NLK: variants seen among roughly 807,000 people sequenced by gnomAD.
The protein encoded by NLK is nemo like kinase, also known as serine/threonine-protein kinase NLK.
NLK carries 11 observed loss-of-function variants against 59.0 expected under a neutral mutation model. The ratio of observed to expected loss-of-function variants is 0.19; its 90% confidence interval spans 0.12 to 0.31. The LOEUF is 0.31. Among genes scored for constraint, NLK ranks in the 10% least tolerant of loss-of-function variants. The pLI is 1.00. For synonymous variants in NLK, 235 were observed against 235.9 expected, an observed-to-expected ratio of 1.00 and a Z score of 0.03; for missense variants, 410 against 661.1, an observed-to-expected ratio of 0.62 and a Z score of 4.16.
At chr17:28,175,107 A>G (rs186657280) in intron 7 of NLK, among the ~76,000 whole-genome samples, 1 of 151,838 alleles carries the variant, frequency 6.6e-6, no homozygotes, top group Admixed American at 6.6e-5. Flanking sequence ...AGTGCTCTGC[A>G]CAGGTTATGT....
intron 1 of NLK, among the ~76,000 whole-genome samples, chr17:28,086,592 ATTT>A (rs1226751297): frequency 6.6e-6 from 1 of 151,984 alleles, no homozygotes; most frequent in Non-Finnish European, 1.5e-5. Flanking sequence ...TTTTATAAAG[ATTT>A]TGTTTTTTGC....
rs71372363 is a variant in NLK at position 28,157,148 on chromosome 17, C to T, written c.645-4012C>T. Among the ~76,000 whole-genome samples the T allele has an allele frequency of 8.6e-3, 1,296 of 150,648 alleles. 10 individuals are homozygous for T. Among genetic ancestry groups the T allele is most frequent in the Non-Finnish European group, 0.013 (887 of 67,776 alleles). On this transcript the variant is annotated intron_variant, in intron 3 of 10. Transcript: ENST00000407008. Reference sequence around the variant, plus strand: ...CCTCCCACCTCAGCCTCCTGAGTAGCTGGGACTACCAGCAAATGCCACAAT... The same window carrying T: ...CCTCCCACCTCAGCCTCCTGAGTAGTTGGGACTACCAGCAAATGCCACAAT...
chr17:28,093,569 G>C (rs1368622092), intron 1 of NLK, among the ~76,000 whole-genome samples: 1 of 152,208 alleles, frequency 6.6e-6, no homozygotes, highest in Non-Finnish European at 1.5e-5. Context: ...AACTTGAGTT[G>C]AGGGAGAGCA....
intron 5 of NLK, among the ~76,000 whole-genome samples, chr17:28,165,996 C>G (rs1479797771): frequency 1.3e-5 from 2 of 152,208 alleles, no homozygotes; most frequent in East Asian, 3.9e-4. Flanking sequence ...GGGCAGATCA[C>G]TTGAGGCCAG....
chr17:28,054,300 A>C (rs575307866), intron 1 of NLK, among the ~76,000 whole-genome samples: 2 of 152,334 alleles, frequency 1.3e-5, no homozygotes, highest in East Asian at 3.9e-4. Context: ...GGTTATCCTG[A>C]AGTTAACTGG....
intron 1 of NLK, among the ~76,000 whole-genome samples, chr17:28,046,295 T>G (rs1455742369): frequency 6.6e-6 from 1 of 152,228 alleles, no homozygotes; most frequent in Non-Finnish European, 1.5e-5. Flanking sequence ...AAGTAGTGAA[T>G]TACTCATTAG....
chr17:28,121,143 C>T (rs1338088171), intron 1 of NLK, among the ~76,000 whole-genome samples: 1 of 151,962 alleles, frequency 6.6e-6, no homozygotes, highest in Non-Finnish European at 1.5e-5. Flanking sequence ...TCTCAAACTC[C>T]TGGTCTCAGG....
chr17:28,065,790 G>C (rs571511794), intron 1 of NLK, among the ~76,000 whole-genome samples: 15 of 152,192 alleles, frequency 9.9e-5, no homozygotes, highest in South Asian at 2.1e-4. Context: ...ATGGCAGTTT[G>C]ACATGGTTCA....
At chr17:28,107,371 G>T (rs1049644077) in intron 1 of NLK, among the ~76,000 whole-genome samples, 3 of 151,926 alleles carry the variant, frequency 2.0e-5, no homozygotes, top group Non-Finnish European at 2.9e-5. Context: ...GGAGGCGGAG[G>T]TTGCAGTGAG....
chr17:28,081,563 C>T (rs183128474), intron 1 of NLK, among the ~76,000 whole-genome samples: 77 of 152,182 alleles, frequency 5.1e-4, no homozygotes, highest in Admixed American at 1.9e-3. Flanking sequence ...ATAAAAAGAA[C>T]TGGAAGAAAG....
chr17:28,116,620 A>G (rs2060133652), intron 1 of NLK, among the ~76,000 whole-genome samples: 1 of 152,204 alleles, frequency 6.6e-6, no homozygotes, highest in Non-Finnish European at 1.5e-5. Flanking sequence ...CTTTATTTCT[A>G]AATTCATTAA....
chr17:28,170,645 T>C (rs1908423778), intron 6 of NLK, among the ~76,000 whole-genome samples: 1 of 152,234 alleles, frequency 6.6e-6, no homozygotes, highest in African/African-American at 2.4e-5. Context: ...AAGACTATCA[T>C]ATCTGGACAT....
intron 1 of NLK, among the ~76,000 whole-genome samples, chr17:28,065,759 A>G (rs1224731469): frequency 6.6e-6 from 1 of 152,186 alleles, no homozygotes; most frequent in Non-Finnish European, 1.5e-5. Flanking sequence ...GAGGCTCATT[A>G]CTAGATATTT....
chr17:28,130,092 G>GTGGT (rs1458666140), intron 2 of NLK, among the ~76,000 whole-genome samples: 1 of 152,140 alleles, frequency 6.6e-6, no homozygotes, highest in Non-Finnish European at 1.5e-5. Context: ...TTTGAAGAGT[G>GTGGT]TGGTATTTGA....
At chr17:28,089,743 T>C (rs1904417142) in intron 1 of NLK, among the ~76,000 whole-genome samples, 1 of 152,202 alleles carries the variant, frequency 6.6e-6, no homozygotes. Flanking sequence ...GGTTAGTTTT[T>C]TAAATTTTAG....
chr17:28,201,266 A>G (rs1909621768), downstream of NLK, among the ~76,000 whole-genome samples: 2 of 152,066 alleles, frequency 1.3e-5, no homozygotes, highest in African/African-American at 2.4e-5. Flanking sequence ...TTTTTTTAGT[A>G]GAGATGAGAT....
chr17:28,117,452 G>A (rs992594810), intron 1 of NLK, among the ~76,000 whole-genome samples: 5 of 152,148 alleles, frequency 3.3e-5, no homozygotes, highest in Admixed American at 6.5e-5. Flanking sequence ...ACTTTCAGGT[G>A]TCTCACTACA....
At chr17:28,089,947 A>T (rs1337672484) in intron 1 of NLK, among the ~76,000 whole-genome samples, 2 of 152,118 alleles carry the variant, frequency 1.3e-5, no homozygotes, top group African/African-American at 2.4e-5. Context: ...ATCCTTTATC[A>T]GCAACATCAT....
intron 8 of NLK, among the ~76,000 whole-genome samples, chr17:28,185,664 C>T (rs773013441): frequency 7.9e-5 from 12 of 152,042 alleles, no homozygotes; most frequent in Admixed American, 2.0e-4. Context: ...TCCTCCTACC[C>T]GAGCCCCCTG....
Sources: allele counts gnomAD v4.1 joint callset (sites outside exome capture counted in the v4.1 genomes callset), GRCh38; gene constraint gnomAD v4.1.1; transcripts MANE v1.5; gene names NCBI Gene and HGNC (gene_info 2026-07-23, HGNC 2026-07-21).